IFT43: variants seen among roughly 807,000 people sequenced by gnomAD.
IFT43 encodes the protein intraflagellar transport protein 43 homolog.
Under a neutral mutation model 32.3 loss-of-function variants are expected in IFT43, and 33 were observed. The ratio of observed to expected loss-of-function variants is 1.02; its 90% CI spans 0.77 to 1.37. The LOEUF is 1.37. Ranked by LOEUF, IFT43 falls within the 40% of genes most tolerant of loss-of-function variation. The pLI is 0.00. For synonymous variants in IFT43, 93 were observed against 98.2 expected (o/e 0.95, Z 0.31); for missense variants, 274 against 265.9 (o/e 1.03, Z -0.21).
intron 3 of IFT43, among the ~76,000 whole-genome samples, chr14:76,029,377 A>G (rs1288320163): frequency 6.6e-6 from 1 of 152,172 alleles, no homozygotes; most frequent in East Asian, 1.9e-4. Context: ...TGTCAGATGC[A>G]TAGTTTGCAA....
intron 3 of IFT43, among the ~76,000 whole-genome samples, chr14:76,044,041 C>G (rs1319064505): frequency 6.6e-6 from 1 of 151,468 alleles, no homozygotes; most frequent in East Asian, 1.9e-4. Context: ...TATGTTATTT[C>G]TCTTTTTTTT....
At chr14:76,015,711 G>A (rs2036175211) in intron 2 of IFT43, among the ~76,000 whole-genome samples, 1 of 152,138 alleles carries the variant, frequency 6.6e-6, no homozygotes, top group African/African-American at 2.4e-5. Flanking sequence ...TTACCTCTTG[G>A]CAGAAAGGAT....
intron 3 of IFT43, among the ~76,000 whole-genome samples, chr14:76,055,257 G>A (rs916771008): frequency 1.3e-5 from 2 of 151,380 alleles, no homozygotes; most frequent in African/African-American, 2.4e-5. Context: ...GAGGTGGGAG[G>A]ATAACATGAA....
intron 1 of IFT43, chr14:75,986,165 G>A: frequency 7.4e-7 from 1 of 1,343,534 alleles, no homozygotes; most frequent in Non-Finnish European, 9.8e-7. Flanking sequence ...ATCGATCACA[G>A]GGTGATAGGG....
intron 2 of IFT43, among the ~76,000 whole-genome samples, chr14:75,996,718 C>T (rs992411104): frequency 3.9e-5 from 6 of 152,144 alleles, no homozygotes; most frequent in Admixed American, 6.5e-5. Flanking sequence ...GTCTGAAGGT[C>T]GACAGTCTTT....
At position 76,080,181 on chromosome 14, in the gene IFT43, G is replaced by GTCA. The variant is rs1275463058; in HGVS notation, c.296-2111_296-2109dup. On this transcript the variant is annotated intron_variant, in intron 5 of 8. Transcript: ENST00000314067. The stretch of plus-strand genomic sequence containing the variant: ...TGTTCCAGCTTGCCTTGGCCTGGCT[G>GTCA]TCATCGCTGGCTCTGTCCCACTCAG... 5.6e-4 allele frequency among the ~76,000 whole-genome samples: 85 copies of GTCA among 152,346 alleles called. 1 individual carries two copies. Among genetic ancestry groups the GTCA allele is most frequent in the Admixed American group, 5.6e-3 (85 of 15,306 alleles).
chr14:76,011,086 T>A (rs1352313436), intron 2 of IFT43, among the ~76,000 whole-genome samples: 1 of 151,852 alleles, frequency 6.6e-6, no homozygotes, highest in Non-Finnish European at 1.5e-5. Context: ...TTATTATTAT[T>A]ATTGGTAGAG....
chr14:76,038,114 A>T (rs1032228105), intron 3 of IFT43: 4 of 152,220 alleles, frequency 2.6e-5, no homozygotes, highest in Admixed American at 1.3e-4. Context: ...GCATGACCGG[A>T]GTCCTGGGCA....
intron 3 of IFT43, among the ~76,000 whole-genome samples, chr14:76,032,875 C>T (rs2036533087): frequency 6.6e-6 from 1 of 152,120 alleles, no homozygotes; most frequent in South Asian, 2.1e-4. Context: ...GGATGTGCGG[C>T]AGAGGGAGGA....
intron 3 of IFT43, among the ~76,000 whole-genome samples, chr14:76,057,913 A>G (rs1214387601): frequency 2.6e-5 from 4 of 152,260 alleles, no homozygotes; most frequent in Admixed American, 6.5e-5. Context: ...AAAACTTCAC[A>G]TCAGTGTTTC....
chr14:76,076,499 C>T (rs2037414497), intron 5 of IFT43: 2 of 1,553,576 alleles, frequency 1.3e-6, no homozygotes, highest in Non-Finnish European at 1.8e-6. Context: ...TCTCTCCCTG[C>T]TGGAGTTAGA....
intron 5 of IFT43, among the ~76,000 whole-genome samples, chr14:76,069,444 T>C (rs1013975675): frequency 3.9e-5 from 6 of 152,094 alleles, no homozygotes; most frequent in African/African-American, 1.4e-4. Context: ...CAAAGTTATG[T>C]CCCCTCTCTA....
chr14:76,014,329 G>C (rs1243353505), intron 2 of IFT43, among the ~76,000 whole-genome samples: 1 of 152,002 alleles, frequency 6.6e-6, no homozygotes, highest in Admixed American at 6.5e-5. Flanking sequence ...AATTTAAGAT[G>C]TTCTAAAAAA....
intron 5 of IFT43, 43 bp downstream of exon 5, chr14:76,059,416 C>G (rs1327953426): frequency 6.3e-7 from 1 of 1,577,396 alleles, no homozygotes; most frequent in African/African-American, 1.3e-5. Flanking sequence ...TCTAGAGAGG[C>G]CCCAGAACAT....
chr14:76,066,059 A>G (rs2037220290), intron 5 of IFT43, among the ~76,000 whole-genome samples: 2 of 152,232 alleles, frequency 1.3e-5, no homozygotes, highest in Admixed American at 1.3e-4. Context: ...GCTCTAACAA[A>G]TGGTACAACT....
intron 2 of IFT43, among the ~76,000 whole-genome samples, chr14:76,017,975 T>C (rs1311777907): frequency 1.3e-5 from 2 of 152,076 alleles, no homozygotes; most frequent in East Asian, 3.8e-4. Context: ...AGTTTACTAA[T>C]TTTGTTTATC....
At chr14:76,058,501 G>A in intron 3 of IFT43, 141 bp from the exon 4 acceptor site, 1 of 889,430 alleles carries the variant, frequency 1.1e-6, no homozygotes, top group Non-Finnish European at 1.7e-6. Context: ...TGTGGGGCTT[G>A]TCTCTAAAGA....
At chr14:76,047,913 T>TG (rs2036840552) in intron 3 of IFT43, among the ~76,000 whole-genome samples, 1 of 152,032 alleles carries the variant, frequency 6.6e-6, no homozygotes. Context: ...GAGGCAGGGT[T>TG]GGTGATCATT....
At chr14:76,083,168 A>G (rs2037544325) in intron 7 of IFT43, 59 bp from the exon 8 acceptor site, 3 of 1,598,274 alleles carry the variant, frequency 1.9e-6, no homozygotes, top group Admixed American at 3.3e-5. Context: ...TTTGTGAGAA[A>G]GAGTTGCCTG....
Sources: gnomAD v4.1 joint callset for allele counts (sites outside exome capture counted in the v4.1 genomes callset) on GRCh38, gnomAD v4.1.1 for gene constraint, MANE v1.5 for transcripts, NCBI Gene and HGNC (gene_info 2026-07-23, HGNC 2026-07-21) for gene names.